The following TMCO5A variants were observed in gnomAD, a reference collection of about 807,000 sequenced individuals.
TMCO5A encodes the protein transmembrane and coiled-coil domains 5A.
TMCO5A carries 34 observed loss-of-function variants against 42.3 expected under a neutral mutation model. The observed-to-expected ratio is 0.80, with a 90% CI of 0.61 to 1.07. The LOEUF is 1.07. TMCO5A is among the 50% of genes least tolerant of loss of function. The pLI is 0.00. For missense variants in TMCO5A, 357 were observed against 327.9 expected (o/e 1.09, Z -0.69); for synonymous variants, 131 against 115.6 (o/e 1.13, Z -0.86).
chr15:37,994,170 GAAGT>G, the TMCO5A span, among the ~76,000 whole-genome samples: 1 of 152,204 alleles, frequency 6.6e-6, no homozygotes, highest in African/African-American at 2.4e-5. Context: ...GAAGGTGAGG[GAAGT>G]AATACAGTGA....
intron 11 of TMCO5A, among the ~76,000 whole-genome samples, chr15:37,959,860 T>A (rs1201636666): frequency 6.6e-6 from 1 of 151,598 alleles, no homozygotes; most frequent in East Asian, 1.9e-4. Flanking sequence ...AGAAAGAACA[T>A]CCAAATTGGA....
the TMCO5A span, among the ~76,000 whole-genome samples, chr15:38,034,111 A>G: frequency 2.6e-5 from 4 of 152,150 alleles, no homozygotes; most frequent in African/African-American, 9.7e-5. Context: ...CATATTCCAG[A>G]GAAGACAAAC....
chr15:38,024,560 G>A, the TMCO5A span: 2 of 152,198 alleles, frequency 1.3e-5, no homozygotes, highest in African/African-American at 4.8e-5. Flanking sequence ...CCAAACAAAA[G>A]ATTTCAGCAG....
intron 9 of TMCO5A, 126 bp from the exon 10 acceptor site, chr15:37,943,215 T>A (rs1272341511): frequency 2.7e-6 from 2 of 746,378 alleles, no homozygotes; most frequent in African/African-American, 3.6e-5. Flanking sequence ...TAGCTATAGG[T>A]AGACAGTAGT....
At chr15:38,039,286 T>C in the TMCO5A span, among the ~76,000 whole-genome samples, 1 of 152,214 alleles carries the variant, frequency 6.6e-6, no homozygotes, top group African/African-American at 2.4e-5. Context: ...TTGCTATTAT[T>C]TGGCTAAAGA....
chr15:38,010,430 C>CACACACACACACAT, the TMCO5A span, among the ~76,000 whole-genome samples: 1 of 124,160 alleles, frequency 8.1e-6, no homozygotes, highest in African/African-American at 4.9e-5. Context: ...GGAGATCACA[C>CACACACACACACAT]ACACACACAC....
chr15:37,978,824 G>A, the TMCO5A span, among the ~76,000 whole-genome samples: 9 of 138,138 alleles, frequency 6.5e-5, no homozygotes, highest in East Asian at 7.8e-4. Context: ...CGGTTCGGCC[G>A]GCTAGGAAGC....
the TMCO5A span, among the ~76,000 whole-genome samples, chr15:38,017,862 C>T: frequency 6.6e-6 from 1 of 152,124 alleles, no homozygotes; most frequent in Non-Finnish European, 1.5e-5. Context: ...TGAGAGTGGA[C>T]TTCCCCCTTG....
the TMCO5A span, among the ~76,000 whole-genome samples, chr15:38,018,601 T>C: frequency 1.6e-4 from 24 of 151,684 alleles, no homozygotes; most frequent in Non-Finnish European, 1.5e-4. Flanking sequence ...ATAAATGATA[T>C]GGAAGATAGG....
intron 11 of TMCO5A, among the ~76,000 whole-genome samples, chr15:37,964,929 G>T (rs768189411): frequency 6.6e-6 from 1 of 152,020 alleles, no homozygotes; most frequent in Non-Finnish European, 1.5e-5. Context: ...AATTTATAGG[G>T]AGCCACTGAA....
At chr15:38,034,949 C>A in the TMCO5A span, among the ~76,000 whole-genome samples, 1 of 152,280 alleles carries the variant, frequency 6.6e-6, no homozygotes, top group South Asian at 2.1e-4. Flanking sequence ...TACCCAGGAT[C>A]CACATCCAGA....
intron 4 of TMCO5A, 22 bp from the exon 5 acceptor site, chr15:37,937,324 C>A (rs1203278193): frequency 1.9e-6 from 3 of 1,612,414 alleles, no homozygotes. Context: ...GGCAGATTTA[C>A]ACTGTTATTT....
chr15:37,973,128 AGTCT>A, the TMCO5A span, among the ~76,000 whole-genome samples: 2 of 148,344 alleles, frequency 1.3e-5, no homozygotes, highest in African/African-American at 5.0e-5. Flanking sequence ...CTGTTCCATC[AGTCT>A]ATGTGTTTTT....
At chr15:38,040,604 C>T in the TMCO5A span, 2 of 152,256 alleles carry the variant, frequency 1.3e-5, no homozygotes, top group African/African-American at 2.4e-5. Context: ...TACAATGGAA[C>T]ATTAAACAGG....
At chr15:38,029,913 G>A in the TMCO5A span, among the ~76,000 whole-genome samples, 2 of 152,108 alleles carry the variant, frequency 1.3e-5, no homozygotes, top group African/African-American at 4.8e-5. Flanking sequence ...ACTTGCTGTT[G>A]CACAATGGTT....
chr15:37,976,793 C>CTTTTTTTTTTTTTTTTTTTTTTT, the TMCO5A span, among the ~76,000 whole-genome samples: 1 of 116,850 alleles, frequency 8.6e-6, no homozygotes, highest in Non-Finnish European at 1.7e-5. Context: ...TTTCTTCTTT[C>CTTTTTTTTTTTTTTTTTTTTTTT]TTTTTTTTTT....
chr15:37,979,312 T>C, the TMCO5A span, among the ~76,000 whole-genome samples: 2,161 of 151,402 alleles, frequency 0.014, 45 homozygotes, highest in African/African-American at 0.049. Context: ...GCAGGAGCTA[T>C]AGAGAACAAA....
At chr15:37,972,353 G>C (rs112466692), downstream of TMCO5A, among the ~76,000 whole-genome samples, 3,643 of 152,252 alleles carry the variant, frequency 0.024, 148 homozygotes, top group African/African-American at 0.083. Context: ...GGGAATTCAA[G>C]ATGAGATTTG....
At chr15:37,966,758 G>C (rs914611895) in exon 12 of TMCO5A, 2 of 699,974 alleles carry the variant, frequency 2.9e-6, no homozygotes, top group Admixed American at 2.0e-5. Context: ...TCATAAACTG[G>C]CCTATCTGAG....
Sources: gnomAD v4.1 joint callset for allele counts (sites outside exome capture counted in the v4.1 genomes callset) on GRCh38, gnomAD v4.1.1 for gene constraint, MANE v1.5 for transcripts, NCBI Gene and HGNC (gene_info 2026-07-23, HGNC 2026-07-21) for gene names.